GALNT13: variants seen among roughly 807,000 people sequenced by gnomAD.
GALNT13 encodes the protein UDP-GalNAc:polypeptide N-acetylgalactosaminyltransferase 13.
In GALNT13, 28 loss-of-function variants were observed where a neutral mutation model predicts 64.2. The ratio of observed to expected loss-of-function variants is 0.44; its 90% CI spans 0.32 to 0.60. The LOEUF (loss-of-function observed/expected upper bound fraction) is 0.60, where lower values mean the gene tolerates loss of function less well. Among genes scored for constraint, GALNT13 ranks in the 20% least tolerant of loss-of-function variants. The pLI, the probability that GALNT13 is intolerant of heterozygous loss-of-function variation, is 0.05. For synonymous variants in GALNT13, 214 were observed against 224.6 expected (o/e 0.95, Z 0.42); for missense variants, 577 against 669.8 (o/e 0.86, Z 1.53).
At chr2:154,366,944 T>C (rs1334349383) in intron 9 of GALNT13, among the ~76,000 whole-genome samples, 2 of 152,188 alleles carry the variant, frequency 1.3e-5, no homozygotes, top group African/African-American at 2.4e-5. Context: ...GACTGGATTA[T>C]GAATGATATG....
chr2:154,115,745 C>T (rs1248493688), intron 3 of GALNT13, among the ~76,000 whole-genome samples: 2 of 152,068 alleles, frequency 1.3e-5, no homozygotes, highest in South Asian at 2.1e-4. Flanking sequence ...TTTAACTTCC[C>T]GATCTGCAAC....
At chr2:153,385,850 T>A in the GALNT13 span, among the ~76,000 whole-genome samples, 15 of 106,906 alleles carry the variant, frequency 1.4e-4, no homozygotes, top group Admixed American at 4.7e-4. Flanking sequence ...TATGTACCAC[T>A]AAAAATAAAA....
the GALNT13 span, among the ~76,000 whole-genome samples, chr2:153,549,403 A>C: frequency 6.6e-6 from 1 of 152,166 alleles, no homozygotes; most frequent in Non-Finnish European, 1.5e-5. Context: ...AATAGAAATA[A>C]ATTATTTGTG....
chr2:154,411,680 A>C (rs1699803048), intron 11 of GALNT13, among the ~76,000 whole-genome samples: 2 of 151,920 alleles, frequency 1.3e-5, no homozygotes, highest in African/African-American at 4.8e-5. Context: ...TGGCGAGTGG[A>C]TATCTGGAAA....
chr2:153,779,534 T>TC, the GALNT13 span, among the ~76,000 whole-genome samples: 1 of 152,186 alleles, frequency 6.6e-6, no homozygotes, highest in Non-Finnish European at 1.5e-5. Flanking sequence ...TCTTTTAACT[T>TC]CAACTACTGT....
chr2:154,021,265 G>A (rs1008916095), intron 3 of GALNT13, among the ~76,000 whole-genome samples: 9 of 152,214 alleles, frequency 5.9e-5, no homozygotes, highest in Admixed American at 4.6e-4. Context: ...GATGGGGATG[G>A]CATTGAATCT....
At chr2:153,640,460 G>A in the GALNT13 span, among the ~76,000 whole-genome samples, 9 of 152,186 alleles carry the variant, frequency 5.9e-5, no homozygotes, top group South Asian at 1.2e-3. Context: ...GGAGACTAGC[G>A]TCAAAGACGT....
the GALNT13 span, among the ~76,000 whole-genome samples, chr2:153,809,630 C>G: frequency 6.6e-6 from 1 of 152,096 alleles, no homozygotes. Context: ...TTGGTTAGGT[C>G]CAGTCCATTG....
At chr2:154,042,695 CATATATAT>C (rs70981696) in intron 3 of GALNT13, among the ~76,000 whole-genome samples, 27,251 of 107,922 alleles carry the variant, frequency 0.25, 6,278 homozygotes, top group Non-Finnish European at 0.37. Flanking sequence ...TATCATTATG[CATATATAT>C]ATATATATAT....
At chr2:153,999,450 T>A (rs567538700) in intron 3 of GALNT13, among the ~76,000 whole-genome samples, 1 of 152,136 alleles carries the variant, frequency 6.6e-6, no homozygotes, top group South Asian at 2.1e-4. Context: ...TAGCTGTGGG[T>A]TTATCATATA....
chr2:153,259,838 A>AT, the GALNT13 span, among the ~76,000 whole-genome samples: 2 of 152,008 alleles, frequency 1.3e-5, no homozygotes, highest in Non-Finnish European at 2.9e-5. Context: ...CCACGTTGTT[A>AT]TTTTTTTAAA....
the GALNT13 span, among the ~76,000 whole-genome samples, chr2:153,689,084 G>C: frequency 1.1e-3 from 168 of 149,520 alleles, no homozygotes; most frequent in African/African-American, 4.2e-3. Context: ...GTGTGTGTGT[G>C]TGTGTGTGTG....
At chr2:153,569,360 T>C in the GALNT13 span, among the ~76,000 whole-genome samples, 25 of 152,174 alleles carry the variant, frequency 1.6e-4, no homozygotes, top group African/African-American at 6.0e-4. Flanking sequence ...ATATACTCTT[T>C]TAAAAATTAT....
At chr2:153,921,418 A>G (rs1334947848) in intron 2 of GALNT13, among the ~76,000 whole-genome samples, 1 of 152,138 alleles carries the variant, frequency 6.6e-6, no homozygotes, top group Non-Finnish European at 1.5e-5. Flanking sequence ...CTAAACAAGA[A>G]CACATGGACA....
chr2:153,876,081 C>T (rs1050042778), intron 1 of GALNT13, among the ~76,000 whole-genome samples: 5 of 151,962 alleles, frequency 3.3e-5, no homozygotes, highest in African/African-American at 4.8e-5. Flanking sequence ...CTAAATCCTT[C>T]CCTCTGCTCT....
the GALNT13 span, among the ~76,000 whole-genome samples, chr2:153,850,084 C>CAGGAG: frequency 6.7e-6 from 1 of 149,472 alleles, no homozygotes; most frequent in African/African-American, 2.5e-5. Flanking sequence ...GAGGCTGAGG[C>CAGGAG]AGGAGAGTGG....
intron 2 of GALNT13, among the ~76,000 whole-genome samples, chr2:153,908,052 G>T (rs980080552): frequency 6.6e-6 from 1 of 151,816 alleles, no homozygotes; most frequent in African/African-American, 2.4e-5. Flanking sequence ...GTTCCCTTTC[G>T]CCACAACCTT....
chr2:154,386,652 T>C (rs1481640518), intron 9 of GALNT13, among the ~76,000 whole-genome samples: 1 of 152,114 alleles, frequency 6.6e-6, no homozygotes, highest in Non-Finnish European at 1.5e-5. Context: ...TGCTGAAATA[T>C]ACAGCTATAT....
intron 3 of GALNT13, among the ~76,000 whole-genome samples, chr2:154,064,045 G>A (rs574387550): frequency 6.6e-6 from 1 of 152,320 alleles, no homozygotes; most frequent in East Asian, 1.9e-4. Flanking sequence ...CAGCAGCCCA[G>A]TGGCAGGGAG....
Sources: gnomAD v4.1 joint callset for allele counts (sites outside exome capture counted in the v4.1 genomes callset) on GRCh38, gnomAD v4.1.1 for gene constraint, MANE v1.5 for transcripts, NCBI Gene and HGNC (gene_info 2026-07-23, HGNC 2026-07-21) for gene names.